The following NPTX2 variants were observed in gnomAD, a reference collection of about 807,000 sequenced individuals.
NPTX2 encodes neuronal pentraxin-2.
NPTX2 carries 23 observed loss-of-function variants against 38.1 expected under a neutral mutation model. The ratio of observed to expected loss-of-function variants is 0.60; its 90% CI spans 0.43 to 0.85. The LOEUF is 0.85. Ranked by LOEUF, NPTX2 falls within the 40% of genes least tolerant of loss-of-function variation. NPTX2 has a pLI of 0.00. For synonymous variants in NPTX2, 291 were observed against 287.3 expected (o/e 1.01, Z -0.13); for missense variants, 553 against 615.3 (o/e 0.90, Z 1.07).
intron 3 of NPTX2, among the ~76,000 whole-genome samples, chr7:98,625,917 A>C (rs1791339351): frequency 6.6e-6 from 1 of 152,096 alleles, no homozygotes; most frequent in South Asian, 2.1e-4. Flanking sequence ...AGGCCGAGGC[A>C]GGAGGATTGC....
In NPTX2 at chr7:98,628,733, C is replaced by A; in HGVS notation, c.*104C>A. The A allele has an allele frequency of 8.5e-6, 5 of 586,066 alleles. No homozygotes were observed. In the Admixed American group the frequency reaches 1.2e-4, roughly 14 times the overall value. 36.3% of individuals were successfully genotyped at this position (586,066 alleles called of 1,614,324 possible). A position where few individuals can be genotyped will look rare whatever the true frequency, so the allele number is the denominator to read the frequency against. ...CTCTTGTCAGTCTGGGCTCAGGGTTCCCAGAGCTCATTCCCCAGGAATCTC... is the reference window on the plus strand; with the variant it reads ...CTCTTGTCAGTCTGGGCTCAGGGTTACCAGAGCTCATTCCCCAGGAATCTC... On this transcript the variant is annotated 3_prime_UTR_variant, in exon 5 of 5. Coordinates refer to ENST00000265634, the MANE Select transcript of NPTX2 (RefSeq NM_002523.3).
rs140588425 is a variant in NPTX2 at position 98,628,572 on chromosome 7, C to T, written c.1239C>T (p.Phe413=). The change falls in exon 5 of 5, where the codon TTC becomes TTT. Residue 413 remains phenylalanine (F), a synonymous_variant. Coordinates refer to ENST00000265634, the MANE Select transcript of NPTX2 (RefSeq NM_002523.3). ...GGGTGGACAATAACGTCGATGTGTT[C>T]GGAGGGGCCTCCAAGTGGCCCGTGG... ...IPWVDNNVDV[F]GGASKWPVET... is the part of the protein sequence containing the mutation. 853 of 1,607,338 alleles carry T rather than the reference C, an allele frequency of 5.3e-4. 3 individuals are homozygous for T. Among genetic ancestry groups the T allele is most frequent in the South Asian group, 1.4e-3 (128 of 89,944 alleles).
Position 98,617,679 on chromosome 7 carries a change from A to G in NPTX2, c.218A>G (p.Gln73Arg). Reference protein sequence around the residue: ...VLQLRETVVQQKETLGAQREA... With the variant: ...VLQLRETVVQRKETLGAQREA... ...CAGCTGCGCGAGACCGTCGTGCAGC[A>G]GAAGGAGACGCTGGGCGCGCAGCGC... Residue 73 changes from glutamine (Q) to arginine (R), a missense_variant, in exon 1 of 5, where the codon CAG becomes CGG. Gln to Arg is a conservative substitution (Grantham distance 43, BLOSUM62 1). Coordinates refer to ENST00000265634, the MANE Select transcript of NPTX2 (RefSeq NM_002523.3). 1 of 1,468,630 alleles carries G rather than the reference A, an allele frequency of 6.8e-7. No homozygotes were observed. Among genetic ancestry groups the G allele is most frequent in the Non-Finnish European group, 8.9e-7 (1 of 1,119,936 alleles). 91.0% of individuals were successfully genotyped at this position (1,468,630 alleles called of 1,614,324 possible).
At chr7:98,624,813 C>G (rs1306621557) in intron 2 of NPTX2, 109 bp from the exon 3 acceptor site, 1 of 1,368,540 alleles carries the variant, frequency 7.3e-7, no homozygotes, top group East Asian at 2.3e-5. Context: ...TCCATCAAGG[C>G]TGTGTGAGGG....
At position 98,625,174 on chromosome 7, in the gene NPTX2, C is replaced by A; in HGVS notation, c.888+8C>A. On this transcript the variant is annotated splice_region_variant and intron_variant, in intron 3 of 4. Coordinates refer to ENST00000265634, the MANE Select transcript of NPTX2 (RefSeq NM_002523.3). ...CTGCTCATCAACGACAAGGTGAGGC[C>A]CGCCTGCACCGCCACCCTCCCCAGA... The A allele has an allele frequency of 6.4e-7, 1 of 1,571,040 alleles. No homozygotes were observed. Among genetic ancestry groups the A allele is most frequent in the South Asian group, 1.2e-5 (1 of 86,196 alleles).
chr7:98,620,729 A>C (rs1392690603), intron 2 of NPTX2, among the ~76,000 whole-genome samples: 1 of 152,088 alleles, frequency 6.6e-6, no homozygotes, highest in African/African-American at 2.4e-5. Flanking sequence ...GGCACAGGTG[A>C]GCGTGGCTCC....
chr7:98,625,305 C>T (rs1396494343), intron 3 of NPTX2, 139 bp downstream of exon 3: 8 of 1,112,120 alleles, frequency 7.2e-6, no homozygotes, highest in African/African-American at 3.2e-5. Flanking sequence ...CTGTCCTCCT[C>T]GAGGTGGGGA....
chr7:98,621,506 G>T (rs1238927837), intron 2 of NPTX2, among the ~76,000 whole-genome samples: 1 of 152,224 alleles, frequency 6.6e-6, no homozygotes, highest in African/African-American at 2.4e-5. Context: ...AGACCAGTTT[G>T]TCTTCTGGGC....
intron 2 of NPTX2, among the ~76,000 whole-genome samples, chr7:98,621,379 A>T (rs1375673737): frequency 6.6e-6 from 1 of 152,056 alleles, no homozygotes; most frequent in Admixed American, 6.6e-5. Flanking sequence ...CTGGCCATTT[A>T]TGCACCCCAG....
chr7:98,628,235 C>T (rs1791385564), intron 4 of NPTX2, among the ~76,000 whole-genome samples, 167 bp from the exon 5 acceptor site: 1 of 152,110 alleles, frequency 6.6e-6, no homozygotes, highest in Admixed American at 6.5e-5. Flanking sequence ...TGAGCGATGC[C>T]ACCTCCCAGT....
rs554486910 is a variant in NPTX2, at chr7:98,619,989, C to G, written c.643+130C>G. The G allele has an allele frequency of 3.8e-4, 302 of 789,854 alleles. 7 individuals carry two copies. The South Asian group carries it at 4.7e-3, about 12-fold the overall frequency. 48.9% of individuals were successfully genotyped at this position (789,854 alleles called of 1,614,324 possible). On this transcript the variant is annotated intron_variant, in intron 2 of 4. Transcript: ENST00000265634. Reference sequence around the variant, plus strand: ...TGGGCCTGGTTCCCGAGTGTGTGAGCAAATAATAAAGGCGACTGAACAAGG... The same window carrying G: ...TGGGCCTGGTTCCCGAGTGTGTGAGGAAATAATAAAGGCGACTGAACAAGG...
intron 4 of NPTX2, among the ~76,000 whole-genome samples, chr7:98,627,740 T>C (rs1791377294): frequency 6.6e-6 from 1 of 152,140 alleles, no homozygotes; most frequent in Non-Finnish European, 1.5e-5. Context: ...GAGGAGGCTG[T>C]GTGAGGGACC....
Position 98,617,461 on chromosome 7 carries a change from G to T in NPTX2, c.-1G>T. On this transcript the variant is annotated 5_prime_UTR_variant, in exon 1 of 5. Transcript: ENST00000265634. Reference sequence around the variant, plus strand: ...GAGCTGAGCGCGGCAGCGGCGGCGGGATGCTGGCGCTGCTGGCCGCCAGCG... The same window carrying T: ...GAGCTGAGCGCGGCAGCGGCGGCGGTATGCTGGCGCTGCTGGCCGCCAGCG... The T allele has an allele frequency of 9.2e-7, 1 of 1,083,200 alleles. No individual in the cohort carries two copies. Among genetic ancestry groups the T allele is most frequent in the South Asian group, 4.0e-5 (1 of 25,246 alleles). 67.1% of individuals were successfully genotyped at this position (1,083,200 alleles called of 1,614,324 possible).
chr7:98,622,732 G>A (rs543699220), intron 2 of NPTX2, among the ~76,000 whole-genome samples: 32 of 152,308 alleles, frequency 2.1e-4, no homozygotes, highest in East Asian at 5.8e-4. Context: ...TGACTTCTTC[G>A]GGGAGCAGGT....
chr7:98,629,440 G>GT lies in NPTX2; in HGVS notation c.*823dup, dbSNP rs879150906. 147 of 145,330 alleles carry GT rather than the reference G, an allele frequency of 1.0e-3. No homozygotes were observed. Among genetic ancestry groups the GT allele is most frequent in the Middle Eastern group, 3.6e-3 (1 of 280 alleles). The allele number at this position is 145,330 out of a possible 1,614,324, so 9.0% of individuals were successfully genotyped here. A position where few individuals can be genotyped will look rare whatever the true frequency, so the allele number is the denominator to read the frequency against. ...CCATCCGGTGTGGTTTGGAGGATTT[G>GT]TTTTTTTTTTTTCCCAACAGAAAAG... On this transcript the variant is annotated 3_prime_UTR_variant, in exon 5 of 5. Coordinates refer to ENST00000265634, the MANE Select transcript of NPTX2 (RefSeq NM_002523.3).
Position 98,619,696 on chromosome 7 carries a change from GGTGCTCCA to G in NPTX2, c.482_489del (p.Val161AlafsTer27). ...CTGGGCTGCCCGGCGACTTCCGCGA[GGTGCTCCA>G]GCAGCGGCTGGGGGAGCTGGAGAGG... On this transcript the variant is annotated frameshift_variant, in exon 2 of 5. Transcript: ENST00000265634. LOFTEE classifies it high-confidence loss of function. The G allele has an allele frequency of 3.1e-6, 5 of 1,613,540 alleles. No individual in the cohort carries two copies. Among genetic ancestry groups the G allele is most frequent in the Non-Finnish European group, 4.2e-6 (5 of 1,180,034 alleles).
chr7:98,625,269 A>C, intron 3 of NPTX2, 103 bp downstream of exon 3: 2 of 1,329,634 alleles, frequency 1.5e-6, no homozygotes, highest in Non-Finnish European at 2.0e-6. Context: ...GCCACACAGC[A>C]GTGTCCCAGA....
At chr7:98,618,548 A>C (rs1584139954) in intron 1 of NPTX2, among the ~76,000 whole-genome samples, 5 of 117,194 alleles carry the variant, frequency 4.3e-5, no homozygotes, top group Admixed American at 1.9e-4. Flanking sequence ...AAGGGACCTC[A>C]TTCCCTTCTC....
In NPTX2 at chr7:98,619,739, C is replaced by T. The variant is rs565519639; in HGVS notation, c.523C>T (p.Arg175Cys). 1.2e-5 allele frequency: 19 copies of T among 1,613,194 alleles called. 1 individual carries two copies. The highest frequency in any genetic ancestry group is 6.6e-5 in the South Asian group (6 of 91,082). The change falls in exon 2 of 5, where the codon CGC becomes TGC. Residue 175 changes from arginine (R) to cysteine (C), a missense_variant. Arg to Cys is a radical substitution (Grantham distance 180). Coordinates refer to ENST00000265634, the MANE Select transcript of NPTX2 (RefSeq NM_002523.3). ...RLGELERQLL[R>C]KVAELEDEKS... is the part of the protein sequence containing the mutation. ...GGGGGAGCTGGAGAGGCAGCTTCTG[C>T]GCAAGGTGGCAGAGCTGGAGGACGA... is the stretch of plus-strand genomic sequence containing the variant.
Sources: gnomAD v4.1 joint callset for allele counts (sites outside exome capture counted in the v4.1 genomes callset) on GRCh38, gnomAD v4.1.1 for gene constraint, MANE v1.5 for transcripts, NCBI Gene and HGNC (gene_info 2026-07-23, HGNC 2026-07-21) for gene names.